Variants in TDRD5 observed in about 807,000 individuals in gnomAD.
TDRD5 encodes tudor domain containing 5, also known as tudor domain-containing protein 5.
TDRD5 carries 41 observed loss-of-function variants against 120.6 expected under a neutral mutation model. That is an observed-to-expected ratio of 0.34 (90% CI 0.26 to 0.44). The LOEUF is 0.44. Ranked by LOEUF, TDRD5 falls within the 20% of genes least tolerant of loss-of-function variation. The probability of loss-of-function intolerance (pLI) is 1.00; values close to 1 mark genes in which losing one functional copy is unlikely to be tolerated. For missense variants in TDRD5, 1,006 were observed against 1,221.2 expected (o/e 0.82, Z 2.63); for synonymous variants, 430 against 433.7 (o/e 0.99, Z 0.11).
intron 14 of TDRD5, among the ~76,000 whole-genome samples, chr1:179,657,134 CT>C (rs1167713964): frequency 6.6e-6 from 1 of 152,046 alleles, no homozygotes; most frequent in Non-Finnish European, 1.5e-5. Context: ...ATTTTGGTTC[CT>C]TTTTCTTTCC....
intron 17 of TDRD5, among the ~76,000 whole-genome samples, chr1:179,672,934 T>C (rs546870495): frequency 6.6e-6 from 1 of 152,348 alleles, no homozygotes; most frequent in African/African-American, 2.4e-5. Context: ...TTGGGTTCCC[T>C]ATTCTGTTCC....
At chr1:179,597,332 C>CTTTTTTTTTTTTTTTTTTT (rs945509784) in intron 4 of TDRD5, among the ~76,000 whole-genome samples, 7 of 125,570 alleles carry the variant, frequency 5.6e-5, no homozygotes, top group Non-Finnish European at 9.9e-5. Flanking sequence ...TTCTTTTTTT[C>CTTTTTTTTTTTTTTTTTTT]TTTTTTTTTT....
chr1:179,689,970 G>A (rs1228382207), intron 17 of TDRD5, among the ~76,000 whole-genome samples: 3 of 152,182 alleles, frequency 2.0e-5, no homozygotes, highest in South Asian at 4.1e-4. Flanking sequence ...CCCTTGGCTA[G>A]GAAAGGGAAT....
intron 7 of TDRD5, among the ~76,000 whole-genome samples, chr1:179,632,985 T>C (rs1677545687): frequency 6.6e-6 from 1 of 152,190 alleles, no homozygotes; most frequent in Admixed American, 6.5e-5. Flanking sequence ...TGCAATTTAT[T>C]GAATACTATA....
intron 11 of TDRD5, 106 bp downstream of exon 11, chr1:179,640,551 C>T (rs1021792513): frequency 8.3e-7 from 1 of 1,203,014 alleles, no homozygotes; most frequent in African/African-American, 1.5e-5. Flanking sequence ...TAGAACCAGC[C>T]TTCAAAGAAG....
chr1:179,635,979 G>A, intron 9 of TDRD5, 92 bp downstream of exon 9: 1 of 1,126,772 alleles, frequency 8.9e-7, no homozygotes, highest in Non-Finnish European at 1.2e-6. Flanking sequence ...AAAAATTAAA[G>A]ACCCAAGAGA....
At chr1:179,646,737 A>G (rs566232054) in intron 11 of TDRD5, among the ~76,000 whole-genome samples, 2 of 152,202 alleles carry the variant, frequency 1.3e-5, no homozygotes, top group Non-Finnish European at 2.9e-5. Flanking sequence ...CCTTAAGCTG[A>G]TGAGCAACTT....
chr1:179,686,650 C>T (rs7414462), intron 17 of TDRD5, among the ~76,000 whole-genome samples: 50,675 of 151,942 alleles, frequency 0.33, 8,640 homozygotes, highest in Admixed American at 0.41. Context: ...TGGTAGAATT[C>T]GGCTGTGAAT....
intron 4 of TDRD5, among the ~76,000 whole-genome samples, chr1:179,601,207 T>C (rs1287821420): frequency 6.6e-6 from 1 of 152,248 alleles, no homozygotes; most frequent in African/African-American, 2.4e-5. Flanking sequence ...TTTGTCTATT[T>C]TACCTTTTAG....
rs1447985851 is a variant in TDRD5 at position 179,593,866 on chromosome 1, A to C, written c.639A>C (p.Ala213=). 1.2e-6 allele frequency: 2 copies of C among 1,611,996 alleles called. No individual in the cohort carries two copies. The highest frequency in any genetic ancestry group is 1.7e-6 in the Non-Finnish European group (2 of 1,178,628). The change falls in exon 3 of 18, where the codon GCA becomes GCC. Residue 213 remains alanine (A), a splice_region_variant and synonymous_variant. Coordinates refer to ENST00000444136, the MANE Select transcript of TDRD5 (RefSeq NM_001199085.3). The part of the protein sequence containing the change: ...VTEEKPRGCP[A]GKIFTQPFRM... ...AGGAAAAGCCGAGAGGATGTCCAGCAGGTACGCATGTGAGCAAATGTTGGA... is the reference window on the plus strand; with the variant it reads ...AGGAAAAGCCGAGAGGATGTCCAGCCGGTACGCATGTGAGCAAATGTTGGA...
intron 17 of TDRD5, among the ~76,000 whole-genome samples, chr1:179,671,598 A>ATTTT (rs5779034): frequency 0.36 from 54,361 of 151,694 alleles, 9,737 homozygotes; most frequent in Admixed American, 0.42. Flanking sequence ...AATTTAAAAA[A>ATTTT]TTTACTTCAA....
rs753290333 is a variant in TDRD5, at chr1:179,651,011, C to T, written c.1945C>T (p.His649Tyr). The change falls in exon 12 of 18, where the codon CAT becomes TAT. Residue 649 changes from histidine to tyrosine, a missense_variant. Physicochemically the swap from His to Tyr is moderately conservative, Grantham distance 83. Around this residue, in one of 3 missense-constraint regions of TDRD5, gnomAD observed 158 missense variants for 257.5 expected, o/e 0.61. Coordinates refer to ENST00000444136, the MANE Select transcript of TDRD5 (RefSeq NM_001199085.3). ...CTCAAACGAAGATGTCTATTTCCAT[C>T]ATGTCTTGAGAACAGAGGGCCATGC... ...TSSNEDVYFH[H>Y]VLRTEGHAIV... 1.2e-6 allele frequency: 2 copies of T among 1,614,106 alleles called. No individual in the cohort carries two copies. The highest frequency in any genetic ancestry group is 1.7e-6 in the Non-Finnish European group (2 of 1,180,012).
At position 179,650,976 on chromosome 1, in the gene TDRD5, G is replaced by T. The variant is rs1678679870; in HGVS notation, c.1910G>T (p.Cys637Phe). 1 of 1,614,008 alleles carries T rather than the reference G, an allele frequency of 6.2e-7. No homozygotes were observed. Among genetic ancestry groups the T allele is most frequent in the Non-Finnish European group, 8.5e-7 (1 of 1,180,024 alleles). ...YVDGILNIFL[C>F]DTSSNEDVYF... ...GATGGAATCCTTAACATTTTTTTGT[G>T]TGACACATCCTCAAACGAAGATGTC... Residue 637 changes from cysteine (C) to phenylalanine (F), a missense_variant, in exon 12 of 18, where the codon TGT (cysteine) becomes TTT (phenylalanine). By Grantham distance (205) the Cys-to-Phe change is radical. Around this residue, in one of 3 missense-constraint regions of TDRD5, gnomAD observed 158 missense variants for 257.5 expected, o/e 0.61. Transcript: ENST00000444136.
At chr1:179,627,471 TTGG>T (rs1471181418) in intron 6 of TDRD5, among the ~76,000 whole-genome samples, 1 of 152,336 alleles carries the variant, frequency 6.6e-6, no homozygotes, top group Non-Finnish European at 1.5e-5. Context: ...TTTGATTATA[TTGG>T]TGGTAGTATT....
Position 179,663,353 on chromosome 1 carries a change from G to C in TDRD5, c.2511G>C (p.Trp837Cys). ...SSCKEMPQKDWCFSTPKDTWD... is the reference protein window; with the variant it reads ...SSCKEMPQKDCCFSTPKDTWD... ...TTGCCATTTTTTCATTATAGGACTG[G>C]TGTTTTTCTACCCCTAAAGATACAT... Residue 837 changes from tryptophan (W) to cysteine (C), a missense_variant, in exon 16 of 18, where the codon TGG becomes TGC. Trp to Cys is a radical substitution (Grantham distance 215). Transcript: ENST00000444136. 3.7e-6 allele frequency: 6 copies of C among 1,609,766 alleles called. No homozygotes were observed. Among genetic ancestry groups the C allele is most frequent in the Non-Finnish European group, 5.1e-6 (6 of 1,178,810 alleles).
At chr1:179,652,304 T>G (rs1678767108) in intron 13 of TDRD5, 107 bp downstream of exon 13, 9 of 1,131,790 alleles carry the variant, frequency 8.0e-6, no homozygotes, top group Non-Finnish European at 1.1e-5. Flanking sequence ...TTTGGAAATT[T>G]TGCACAGTGA....
At chr1:179,630,002 C>T (rs562866691) in intron 6 of TDRD5, among the ~76,000 whole-genome samples, 60 of 141,090 alleles carry the variant, frequency 4.3e-4, no homozygotes, top group Admixed American at 5.1e-4. Flanking sequence ...TTTTTTGAGA[C>T]GGAGTCTTGC....
At chr1:179,617,204 A>G (rs1676606115) in intron 4 of TDRD5, among the ~76,000 whole-genome samples, 1 of 152,138 alleles carries the variant, frequency 6.6e-6, no homozygotes, top group South Asian at 2.1e-4. Context: ...CATAAACTTG[A>G]TAGGGAGCCA....
intron 4 of TDRD5, among the ~76,000 whole-genome samples, chr1:179,597,332 C>CTTTTTTTTTTTT (rs945509784): frequency 9.6e-5 from 12 of 125,566 alleles, no homozygotes; most frequent in East Asian, 2.3e-4. Flanking sequence ...TTCTTTTTTT[C>CTTTTTTTTTTTT]TTTTTTTTTT....
Sources: allele counts gnomAD v4.1 joint callset (sites outside exome capture counted in the v4.1 genomes callset), GRCh38; gene constraint gnomAD v4.1.1; regional missense constraint gnomAD v4.1.1; transcripts MANE v1.5; gene names NCBI Gene and HGNC (gene_info 2026-07-23, HGNC 2026-07-21).